PLEKHG1: variants seen among roughly 807,000 people sequenced by gnomAD.
PLEKHG1 encodes the protein pleckstrin homology domain-containing family G member 1.
A neutral mutation model predicts 100.8 loss-of-function variants in PLEKHG1; 44 were observed. The ratio of observed to expected loss-of-function variants is 0.44; its 90% CI spans 0.34 to 0.56. PLEKHG1 has a LOEUF of 0.56. Ranked by LOEUF, PLEKHG1 falls within the 20% of genes least tolerant of loss-of-function variation. PLEKHG1 has a pLI of 0.01. For missense variants in PLEKHG1, 1,545 were observed against 1,720.9 expected (o/e 0.90, Z 1.81); for synonymous variants, 640 against 662.5 (o/e 0.97, Z 0.52).
At chr6:150,599,966 C>G in exon 1 of PLEKHG1, 1 of 228,376 alleles carries the variant, frequency 4.4e-6, no homozygotes, top group South Asian at 4.1e-5. Context: ...CCCGCACCCT[C>G]CCCGCCCGAC....
exon 15 of PLEKHG1, chr6:150,832,087 A>G (rs200804183): frequency 8.7e-6 from 14 of 1,614,094 alleles, no homozygotes; most frequent in African/African-American, 1.3e-5. Flanking sequence ...AGGCGAATCA[A>G]CTTTTAAAAG....
intron 1 of PLEKHG1, among the ~76,000 whole-genome samples, chr6:150,618,405 A>C (rs1777152735): frequency 6.6e-6 from 1 of 152,172 alleles, no homozygotes; most frequent in Non-Finnish European, 1.5e-5. Context: ...TGTATTATTA[A>C]CATGTTCTCC....
At chr6:150,823,580 T>C (rs1776425546) in intron 13 of PLEKHG1, 74 bp from the exon 15 acceptor site, 1 of 1,014,346 alleles carries the variant, frequency 9.9e-7, no homozygotes, top group Admixed American at 2.0e-5. Flanking sequence ...CTAAGTTCTA[T>C]AAAATATTAG....
At position 150,683,993 on chromosome 6, in the gene PLEKHG1, C is replaced by T. The variant is rs887427214; in HGVS notation, c.-99+33207C>T. On this transcript the variant is annotated intron_variant, in intron 3 of 3. Transcript: ENST00000367326. The surrounding 1 kb of genome is among the most constrained non-coding windows in gnomAD (Gnocchi z 4.0). Reference sequence around the variant, plus strand: ...AAAAGTATCAGGCAGCCTCCTCGGGCGGAGACCGCAGGTAGATGTCCCTGG... The same window carrying T: ...AAAAGTATCAGGCAGCCTCCTCGGGTGGAGACCGCAGGTAGATGTCCCTGG... 25 of 367,216 alleles carry T rather than the reference C, an allele frequency of 6.8e-5. No individual in the cohort carries two copies. Among genetic ancestry groups the T allele is most frequent in the South Asian group, 3.6e-4 (17 of 47,160 alleles). The allele number at this position is 367,216 out of a possible 1,614,324, so 22.7% of individuals were successfully genotyped here.
chr6:150,666,889 T>C (rs1366542233), intron 3 of PLEKHG1, among the ~76,000 whole-genome samples: 1 of 151,968 alleles, frequency 6.6e-6, no homozygotes, highest in Admixed American at 6.6e-5. Flanking sequence ...GCCTCCCAAG[T>C]AGCTGGGACT....
At chr6:150,679,922 A>T (rs1193481404) in intron 3 of PLEKHG1, among the ~76,000 whole-genome samples, 1 of 152,194 alleles carries the variant, frequency 6.6e-6, no homozygotes, top group African/African-American at 2.4e-5. Flanking sequence ...GTGGAGAGAC[A>T]GTGAGCTTTG....
chr6:150,761,471 C>T (rs943249964), intron 2 of PLEKHG1, among the ~76,000 whole-genome samples: 2 of 152,062 alleles, frequency 1.3e-5, no homozygotes, highest in Admixed American at 6.6e-5. Flanking sequence ...CCACACCCAG[C>T]TAATTTTTGT....
chr6:150,808,244 A>G (rs77112854), intron 7 of PLEKHG1, among the ~76,000 whole-genome samples: 2,873 of 152,284 alleles, frequency 0.019, 32 homozygotes, highest in Middle Eastern at 0.048. Flanking sequence ...GCACTAAAAC[A>G]TAAGTTAGGG....
chr6:150,778,635 C>A (rs1387233719), intron 3 of PLEKHG1, among the ~76,000 whole-genome samples: 1 of 152,072 alleles, frequency 6.6e-6, no homozygotes, highest in East Asian at 1.9e-4. Flanking sequence ...TACTTTTCAC[C>A]CCTGGTCAGA....
At chr6:150,726,926 A>G (rs953546190) in intron 1 of PLEKHG1, among the ~76,000 whole-genome samples, 5 of 152,344 alleles carry the variant, frequency 3.3e-5, no homozygotes, top group Admixed American at 3.3e-4. Flanking sequence ...TTGGACTCTT[A>G]AACATTTTTT....
intron 2 of PLEKHG1, among the ~76,000 whole-genome samples, chr6:150,756,592 T>G (rs185916981): frequency 9.8e-5 from 15 of 152,312 alleles, no homozygotes; most frequent in Non-Finnish European, 1.8e-4. Flanking sequence ...ATCGCGACTT[T>G]CAAGTAAAAT....
chr6:150,758,255 C>T (rs1320643736), intron 2 of PLEKHG1, among the ~76,000 whole-genome samples: 1 of 152,090 alleles, frequency 6.6e-6, no homozygotes, highest in East Asian at 1.9e-4. Context: ...GGAATCACTA[C>T]AATGGTTAAA....
intron 4 of PLEKHG1, among the ~76,000 whole-genome samples, chr6:150,790,584 A>G (rs143675484): frequency 9.5e-4 from 144 of 152,308 alleles, no homozygotes; most frequent in Middle Eastern, 3.4e-3. Flanking sequence ...CACTTAACAG[A>G]AATTCATGTA....
At chr6:150,614,515 C>A (rs141402738) in intron 1 of PLEKHG1, among the ~76,000 whole-genome samples, 1 of 152,116 alleles carries the variant, frequency 6.6e-6, no homozygotes, top group Non-Finnish European at 1.5e-5. Flanking sequence ...GTGGTCTTTC[C>A]ACTGTCATCA....
chr6:150,632,885 A>G (rs1582848182), intron 1 of PLEKHG1: 1 of 152,248 alleles, frequency 6.6e-6, no homozygotes, highest in South Asian at 2.1e-4. Flanking sequence ...ATCAAAGACT[A>G]AAATTTGCAT....
At chr6:150,672,854 G>A (rs1468213822) in intron 3 of PLEKHG1, among the ~76,000 whole-genome samples, 2 of 152,216 alleles carry the variant, frequency 1.3e-5, no homozygotes, top group African/African-American at 2.4e-5. Flanking sequence ...GAAAGCATGA[G>A]TGTCTACTTT....
chr6:150,777,252 T>C (rs1785031580), intron 3 of PLEKHG1, among the ~76,000 whole-genome samples: 1 of 148,784 alleles, frequency 6.7e-6, no homozygotes, highest in South Asian at 2.1e-4. Flanking sequence ...TCAACACTAA[T>C]GCAATCCTGG....
intron 3 of PLEKHG1, among the ~76,000 whole-genome samples, chr6:150,691,629 G>T (rs1229280235): frequency 6.6e-6 from 1 of 152,130 alleles, no homozygotes; most frequent in African/African-American, 2.4e-5. Context: ...TCATCTCTGA[G>T]CAATTTTTAA....
upstream of PLEKHG1, among the ~76,000 whole-genome samples, chr6:150,719,626 CA>C (rs1160743041): frequency 2.0e-5 from 3 of 152,140 alleles, no homozygotes; most frequent in Non-Finnish European, 4.4e-5. Flanking sequence ...TGTAGCAGAT[CA>C]AACGGGAGCT....
Sources: allele counts gnomAD v4.1 joint callset (sites outside exome capture counted in the v4.1 genomes callset), GRCh38; gene constraint gnomAD v4.1.1; non-coding constraint Gnocchi (gnomAD v3.1); transcripts MANE v1.5; gene names NCBI Gene and HGNC (gene_info 2026-07-23, HGNC 2026-07-21).